KCNK9: variants seen among roughly 807,000 people sequenced by gnomAD.
The protein encoded by KCNK9 is potassium channel subfamily K member 9.
Under a neutral mutation model 10.8 loss-of-function variants are expected in KCNK9, and 1 was observed. The ratio of observed to expected loss-of-function variants is 0.09; its 90% CI spans 0.03 to 0.44. The LOEUF (loss-of-function observed/expected upper bound fraction) is 0.44, where lower values mean the gene tolerates loss of function less well. KCNK9 is among the 20% of genes least tolerant of loss of function. The pLI, the probability that KCNK9 is intolerant of heterozygous loss-of-function variation, is 0.97. For missense variants in KCNK9, 303 were observed against 515.0 expected (o/e 0.59, Z 3.98); for synonymous variants, 231 against 222.7 (o/e 1.04, Z -0.33).
chr8:139,671,473 A>G (rs1385701027), intron 1 of KCNK9, among the ~76,000 whole-genome samples: 1 of 151,536 alleles, frequency 6.6e-6, no homozygotes. Flanking sequence ...CCCGTGCCCA[A>G]GGCCACTTGC....
chr8:139,638,978 C>T (rs1220958966), intron 1 of KCNK9, among the ~76,000 whole-genome samples: 2 of 152,182 alleles, frequency 1.3e-5, no homozygotes, highest in South Asian at 2.1e-4. Context: ...AACTGATCCC[C>T]ATTCTCGTGC....
intron 1 of KCNK9, among the ~76,000 whole-genome samples, chr8:139,653,318 T>C (rs1308127129): frequency 6.6e-6 from 1 of 152,146 alleles, no homozygotes; most frequent in Non-Finnish European, 1.5e-5. Flanking sequence ...TATCATAACA[T>C]AATCAAAACA....
At chr8:139,654,698 C>T (rs1815970300) in intron 1 of KCNK9, among the ~76,000 whole-genome samples, 1 of 152,228 alleles carries the variant, frequency 6.6e-6, no homozygotes, top group Non-Finnish European at 1.5e-5. Context: ...CTGTAAGATC[C>T]ACGAAGACAC....
At chr8:139,619,184 T>G (rs1814698349) in intron 1 of KCNK9, 85 bp from the exon 2 acceptor site, 1 of 1,444,646 alleles carries the variant, frequency 6.9e-7, no homozygotes, top group East Asian at 2.3e-5. Flanking sequence ...CTTGGTGCAG[T>G]GCAGTGCAAT....
chr8:139,602,910 G>A (rs998598583), intron 2 of KCNK9, among the ~76,000 whole-genome samples: 7 of 152,174 alleles, frequency 4.6e-5, no homozygotes, highest in South Asian at 2.1e-4. Flanking sequence ...ACATGGTGGC[G>A]TATCGCTGCC....
rs1226291546 is a variant in KCNK9 at position 139,701,642 on chromosome 8, C to G, written c.283+1068G>C. ...CACTAACACACTGGCCTTGGCAAGT[C>G]CAAGGAGATGGCCCTAGAGAGGCAG... On this transcript the variant is annotated intron_variant, in intron 1 of 1. Coordinates refer to ENST00000520439, the MANE Select transcript of KCNK9 (RefSeq NM_001282534.2). 4.6e-5 allele frequency among the ~76,000 whole-genome samples: 7 copies of G among 152,106 alleles called. No homozygotes were observed. The East Asian group carries it at 1.4e-3, about 29-fold the overall frequency.
At chr8:139,609,106 A>ACCCC (rs1554617339), downstream of KCNK9, among the ~76,000 whole-genome samples, 6 of 123,832 alleles carry the variant, frequency 4.8e-5, no homozygotes, top group East Asian at 2.5e-4. Flanking sequence ...GACCCATCCC[A>ACCCC]CCCCACCCCG....
chr8:139,687,605 C>CATATGTATACATATATTCATAT (rs1307326550), intron 1 of KCNK9, among the ~76,000 whole-genome samples: 1 of 38,590 alleles, frequency 2.6e-5, no homozygotes, highest in Non-Finnish European at 5.6e-5. Flanking sequence ...CATATGTATA[C>CATATGTATACATATATTCATAT]ATATGTATAC....
chr8:139,657,884 A>G (rs1816059569), intron 1 of KCNK9, among the ~76,000 whole-genome samples: 1 of 152,142 alleles, frequency 6.6e-6, no homozygotes, highest in African/African-American at 2.4e-5. Flanking sequence ...ACCCCCATCC[A>G]GGCAGAGAAC....
At chr8:139,641,382 A>G (rs982933187) in intron 1 of KCNK9, among the ~76,000 whole-genome samples, 2 of 152,172 alleles carry the variant, frequency 1.3e-5, no homozygotes, top group Admixed American at 6.5e-5. Flanking sequence ...CTGGCAGGAC[A>G]TAGGGCTCAG....
intron 1 of KCNK9, among the ~76,000 whole-genome samples, chr8:139,640,899 T>G (rs1266431774): frequency 6.6e-6 from 1 of 152,212 alleles, no homozygotes; most frequent in Non-Finnish European, 1.5e-5. Context: ...TCACTGGAGG[T>G]GCCAGGCCCA....
chr8:139,666,948 C>T (rs998390039), intron 1 of KCNK9, among the ~76,000 whole-genome samples: 1 of 152,262 alleles, frequency 6.6e-6, no homozygotes, highest in African/African-American at 2.4e-5. Context: ...GCCATTCCTC[C>T]TGCAATGCCT....
chr8:139,638,716 G>T (rs1471283352), intron 1 of KCNK9, among the ~76,000 whole-genome samples: 1 of 152,218 alleles, frequency 6.6e-6, no homozygotes, highest in Non-Finnish European at 1.5e-5. Context: ...CTGGGGCCGG[G>T]CAAAGTCCCA....
chr8:139,635,031 G>A (rs551171933), intron 1 of KCNK9, among the ~76,000 whole-genome samples: 1 of 152,346 alleles, frequency 6.6e-6, no homozygotes, highest in African/African-American at 2.4e-5. Flanking sequence ...CCTGCTGCAT[G>A]AGGACCCCTG....
intron 1 of KCNK9, among the ~76,000 whole-genome samples, chr8:139,653,216 G>T (rs1400175813): frequency 6.6e-6 from 1 of 152,130 alleles, no homozygotes; most frequent in East Asian, 1.9e-4. Flanking sequence ...ATGGCCGAGA[G>T]CCCTCTTTTT....
At chr8:139,683,969 C>A (rs547128584) in intron 1 of KCNK9, among the ~76,000 whole-genome samples, 1 of 152,192 alleles carries the variant, frequency 6.6e-6, no homozygotes, top group Non-Finnish European at 1.5e-5. Context: ...CCCTTCTGAC[C>A]TTTGCCCCCT....
intron 1 of KCNK9, among the ~76,000 whole-genome samples, chr8:139,631,334 A>G (rs941696747): frequency 6.6e-6 from 1 of 152,030 alleles, no homozygotes; most frequent in Admixed American, 6.5e-5. Flanking sequence ...CCCTTCCTCA[A>G]CCCACTGGTT....
chr8:139,617,669 C>T lies in KCNK9; in HGVS notation c.*589G>A, dbSNP rs1814640807. ...AAAAACCTTGTGGGTTTTGTCTTCC[C>T]GTTTTGTTTGGAAGCAGCCAAAAGC... On this transcript the variant is annotated 3_prime_UTR_variant, in exon 2 of 2. Transcript: ENST00000520439. 6.6e-6 allele frequency among the ~76,000 whole-genome samples: 1 copy of T among 152,140 alleles called. No individual in the cohort carries two copies. The highest frequency in any genetic ancestry group is 2.4e-5 in the African/African-American group (1 of 41,412).
chr8:139,646,688 T>C (rs1563733126), intron 1 of KCNK9, among the ~76,000 whole-genome samples: 1 of 152,264 alleles, frequency 6.6e-6, no homozygotes, highest in Admixed American at 6.5e-5. Context: ...AATGAATGAA[T>C]GCATCCTATC....
Sources: allele counts gnomAD v4.1 joint callset (sites outside exome capture counted in the v4.1 genomes callset), GRCh38; gene constraint gnomAD v4.1.1; transcripts MANE v1.5; gene names NCBI Gene and HGNC (gene_info 2026-07-23, HGNC 2026-07-21).